PPARGC1A: variants seen among roughly 807,000 people sequenced by gnomAD.
PPARGC1A encodes peroxisome proliferator-activated receptor gamma coactivator 1-alpha.
A neutral mutation model predicts 88.7 loss-of-function variants in PPARGC1A; 25 were observed. The observed-to-expected ratio is 0.28, with a 90% confidence interval of 0.21 to 0.39. PPARGC1A has a LOEUF of 0.39. Ranked by LOEUF, PPARGC1A falls within the 10% of genes least tolerant of loss-of-function variation. PPARGC1A has a pLI of 1.00. For missense variants in PPARGC1A, 880 were observed against 968.7 expected (o/e 0.91, Z 1.22); for synonymous variants, 363 against 355.6 (o/e 1.02, Z -0.24).
chr4:24,278,128 C>A, the PPARGC1A span, among the ~76,000 whole-genome samples: 1 of 151,814 alleles, frequency 6.6e-6, no homozygotes, highest in Admixed American at 6.6e-5. Context: ...GATTGCACCA[C>A]TGCACTCCAG....
chr4:24,465,885 T>C, the PPARGC1A span, among the ~76,000 whole-genome samples: 2 of 152,130 alleles, frequency 1.3e-5, no homozygotes, highest in African/African-American at 4.8e-5. Flanking sequence ...AATGTAACTA[T>C]ATGTAGCACA....
intron 2 of PPARGC1A, among the ~76,000 whole-genome samples, chr4:23,846,109 G>T (rs898053096): frequency 1.3e-5 from 2 of 152,154 alleles, no homozygotes; most frequent in African/African-American, 4.8e-5. Flanking sequence ...TAACAGCATG[G>T]AAAATGACAA....
At chr4:24,396,389 G>C in the PPARGC1A span, among the ~76,000 whole-genome samples, 2 of 152,174 alleles carry the variant, frequency 1.3e-5, no homozygotes, top group Non-Finnish European at 2.9e-5. Flanking sequence ...CAGTCTCTAA[G>C]AGAAGGTCTC....
chr4:23,891,842 C>T (rs1165254411), upstream of PPARGC1A, among the ~76,000 whole-genome samples: 2 of 152,172 alleles, frequency 1.3e-5, no homozygotes, highest in African/African-American at 4.8e-5. Context: ...AGTGGCATTA[C>T]TCTGCACTCC....
chr4:24,456,462 A>G, the PPARGC1A span, among the ~76,000 whole-genome samples: 1 of 152,294 alleles, frequency 6.6e-6, no homozygotes, highest in South Asian at 2.1e-4. Context: ...GATATTCCAT[A>G]CGATATTTGC....
At chr4:23,948,199 G>T in the PPARGC1A span, among the ~76,000 whole-genome samples, 1 of 152,012 alleles carries the variant, frequency 6.6e-6, no homozygotes, top group Non-Finnish European at 1.5e-5. Flanking sequence ...CATGTGGTTG[G>T]GATACATGAT....
the PPARGC1A span, among the ~76,000 whole-genome samples, chr4:24,230,950 T>TAAAAAAAAAAAAAAAA: frequency 7.2e-6 from 1 of 138,776 alleles, no homozygotes. Flanking sequence ...CAGAATTTAT[T>TAAAAAAAAAAAAAAAA]AAAAAAAATA....
At chr4:23,906,151 T>C (rs1425545685), upstream of PPARGC1A, among the ~76,000 whole-genome samples, 1 of 152,182 alleles carries the variant, frequency 6.6e-6, no homozygotes, top group Non-Finnish European at 1.5e-5. Context: ...TACAGTTAAC[T>C]TGGGGTGTCT....
chr4:23,887,895 T>C (rs1193524404), intron 1 of PPARGC1A, among the ~76,000 whole-genome samples: 2 of 152,216 alleles, frequency 1.3e-5, no homozygotes, highest in Non-Finnish European at 1.5e-5. Flanking sequence ...TAGTGGGGTG[T>C]ATGTCATGTG....
rs368508931 is a variant in PPARGC1A at position 23,830,548 on chromosome 4, C to T, written c.430-963G>A. ...TAACAATTACTTATGAGATATTCTC[C>T]ATATGAGAAACCTCAAAATCCAATG... On this transcript the variant is annotated intron_variant, in intron 3 of 12. Transcript: ENST00000264867. Among the ~76,000 whole-genome samples, 6 of 152,288 alleles carry T rather than the reference C, an allele frequency of 3.9e-5. No homozygotes were observed. In the South Asian group the frequency reaches 1.2e-3, roughly 32 times the overall value.
the PPARGC1A span, among the ~76,000 whole-genome samples, chr4:23,913,271 G>T: frequency 0.18 from 7,006 of 39,222 alleles, 149 homozygotes; most frequent in East Asian, 0.26. Context: ...TATATATAGA[G>T]AGAGAGAGAG....
At chr4:24,151,171 A>T in the PPARGC1A span, among the ~76,000 whole-genome samples, 1 of 152,182 alleles carries the variant, frequency 6.6e-6, no homozygotes. Flanking sequence ...TTATATGTCA[A>T]CTAAGGACAA....
At chr4:23,936,171 ATAAG>A in the PPARGC1A span, among the ~76,000 whole-genome samples, 3 of 152,210 alleles carry the variant, frequency 2.0e-5, no homozygotes, top group Non-Finnish European at 4.4e-5. Flanking sequence ...AATCAATACA[ATAAG>A]TAAGATGTAT....
rs1577465964 is a variant in PPARGC1A at position 23,840,469 on chromosome 4, G to A, written c.235-8718C>T. 2.6e-5 allele frequency among the ~76,000 whole-genome samples: 4 copies of A among 152,028 alleles called. No homozygotes were observed. In the East Asian group the frequency reaches 5.8e-4, roughly 22 times the overall value. On this transcript the variant is annotated intron_variant, in intron 2 of 12. Coordinates refer to ENST00000264867, the MANE Select transcript of PPARGC1A (RefSeq NM_013261.5). ...CTTCCTAGAAGGTTCTTCTGCCAGAGGGCCACATGGATTGCCCCTTTGTCC... is the reference window on the plus strand; with the variant it reads ...CTTCCTAGAAGGTTCTTCTGCCAGAAGGCCACATGGATTGCCCCTTTGTCC...
the PPARGC1A span, among the ~76,000 whole-genome samples, chr4:24,272,850 G>A: frequency 6.6e-6 from 1 of 152,180 alleles, no homozygotes; most frequent in African/African-American, 2.4e-5. Flanking sequence ...CCTCTGTAAG[G>A]GAAAGCTGTT....
At chr4:23,935,952 TC>T in the PPARGC1A span, among the ~76,000 whole-genome samples, 22 of 152,204 alleles carry the variant, frequency 1.4e-4, 1 homozygote, top group Admixed American at 1.2e-3. Flanking sequence ...TGTATTTTTT[TC>T]AAGAAGAAAA....
the PPARGC1A span, among the ~76,000 whole-genome samples, chr4:24,298,354 T>G: frequency 6.6e-6 from 1 of 152,176 alleles, no homozygotes; most frequent in Non-Finnish European, 1.5e-5. Flanking sequence ...CTCGGATAAG[T>G]TGCTTACCCA....
the PPARGC1A span, among the ~76,000 whole-genome samples, chr4:24,377,660 A>G: frequency 1.3e-5 from 2 of 152,208 alleles, no homozygotes; most frequent in Non-Finnish European, 2.9e-5. Flanking sequence ...TGTCATTACA[A>G]GAAATCACTG....
chr4:23,988,634 T>C, the PPARGC1A span, among the ~76,000 whole-genome samples: 7 of 15,814 alleles, frequency 4.4e-4, no homozygotes, highest in Non-Finnish European at 7.9e-4. Flanking sequence ...GTGAAATTTA[T>C]ATACAGAGAT....
Sources: gnomAD v4.1 joint callset for allele counts (sites outside exome capture counted in the v4.1 genomes callset) on GRCh38, gnomAD v4.1.1 for gene constraint, MANE v1.5 for transcripts, NCBI Gene and HGNC (gene_info 2026-07-23, HGNC 2026-07-21) for gene names.